GOPC: variants seen among roughly 807,000 people sequenced by gnomAD.
The protein encoded by GOPC is golgi associated PDZ and coiled-coil motif containing.
Under a neutral mutation model 51.2 loss-of-function variants are expected in GOPC, and 32 were observed. The ratio of observed to expected loss-of-function variants is 0.63; its 90% CI spans 0.47 to 0.84. GOPC has a LOEUF of 0.84. Among genes scored for constraint, GOPC ranks in the 40% least tolerant of loss-of-function variants. The pLI, the probability that GOPC is intolerant of heterozygous loss-of-function variation, is 0.00. For synonymous variants in GOPC, 190 were observed against 205.1 expected (o/e 0.93, Z 0.63); for missense variants, 441 against 555.5 (o/e 0.79, Z 2.07).
At chr6:117,586,934 A>C (rs898622049) in intron 1 of GOPC, among the ~76,000 whole-genome samples, 2 of 152,212 alleles carry the variant, frequency 1.3e-5, no homozygotes, top group African/African-American at 4.8e-5. Context: ...TCACTTTATT[A>C]TAAAAAATCT....
chr6:117,560,436 C>T lies in GOPC; in HGVS notation c.*2818G>A, dbSNP rs1562133547. 5.3e-6 allele frequency: 1 copy of T among 190,122 alleles called. No homozygotes were observed. Among genetic ancestry groups the T allele is most frequent in the Non-Finnish European group, 1.1e-5 (1 of 90,470 alleles). 11.8% of individuals were successfully genotyped at this position (190,122 alleles called of 1,614,324 possible). On this transcript the variant is annotated 3_prime_UTR_variant, in exon 9 of 9. Transcript: ENST00000368498. ...TTTGAGGCCAACCATAAGTGTAAGA[C>T]TGGATAGATGGAATAGGGATTACAT...
intron 8 of GOPC, among the ~76,000 whole-genome samples, chr6:117,564,326 C>T (rs1779650034): frequency 6.6e-6 from 1 of 152,076 alleles, no homozygotes; most frequent in South Asian, 2.1e-4. Flanking sequence ...GTCAATTCTA[C>T]TTATATAAAT....
In GOPC at chr6:117,560,291, GTTTA is replaced by G; in HGVS notation, c.*2959_*2962del. 5.7e-6 allele frequency: 1 copy of G among 175,336 alleles called. No individual in the cohort carries two copies. The highest frequency in any genetic ancestry group is 9.9e-5 in the East Asian group (1 of 10,080). 10.9% of individuals were successfully genotyped at this position (175,336 alleles called of 1,614,324 possible). A position where few individuals can be genotyped will look rare whatever the true frequency, so the allele number is the denominator to read the frequency against. ...ATATTTAACGTCAAGGAAACAAAAT[GTTTA>G]TTTAAAAAAATGAGATCAATATCAT... On this transcript the variant is annotated 3_prime_UTR_variant, in exon 9 of 9. Coordinates refer to ENST00000368498, the MANE Select transcript of GOPC (RefSeq NM_020399.4).
At chr6:117,600,191 A>T (rs1382481215) in intron 1 of GOPC, among the ~76,000 whole-genome samples, 1 of 152,230 alleles carries the variant, frequency 6.6e-6, no homozygotes, top group Non-Finnish European at 1.5e-5. Context: ...GTATGGAGGC[A>T]GCATAGGGTG....
chr6:117,591,775 C>T (rs971931891), intron 1 of GOPC, among the ~76,000 whole-genome samples: 7 of 151,974 alleles, frequency 4.6e-5, no homozygotes, highest in African/African-American at 1.5e-4. Context: ...CACTGATCAC[C>T]GGGCCAAAGA....
chr6:117,572,101 AGTCATAT>A (rs1779815361), intron 5 of GOPC, among the ~76,000 whole-genome samples: 1 of 152,180 alleles, frequency 6.6e-6, no homozygotes, highest in Admixed American at 6.6e-5. Flanking sequence ...TGAAATCCAG[AGTCATAT>A]GTCCAGTTGG....
At chr6:117,585,153 T>C (rs1780011792) in intron 1 of GOPC, among the ~76,000 whole-genome samples, 1 of 152,192 alleles carries the variant, frequency 6.6e-6, no homozygotes, top group Non-Finnish European at 1.5e-5. Flanking sequence ...CTTCACTCTC[T>C]GGAGGTCAGG....
At chr6:117,583,448 T>C (rs1217781576) in intron 1 of GOPC, among the ~76,000 whole-genome samples, 1 of 152,200 alleles carries the variant, frequency 6.6e-6, no homozygotes, top group East Asian at 1.9e-4. Context: ...AATAGTTTCC[T>C]CCCCAACACT....
At chr6:117,566,278 C>A (rs1202618301) in intron 8 of GOPC, among the ~76,000 whole-genome samples, 3 of 152,122 alleles carry the variant, frequency 2.0e-5, no homozygotes, top group African/African-American at 4.8e-5. Context: ...ATGAACTCTG[C>A]TAAAATATCT....
At chr6:117,566,215 T>A (rs771840214) in intron 8 of GOPC, among the ~76,000 whole-genome samples, 36 of 152,064 alleles carry the variant, frequency 2.4e-4, no homozygotes, top group Non-Finnish European at 1.3e-4. Flanking sequence ...AATATCAACA[T>A]AGCAAAAAAA....
rs573582445 is a variant in GOPC at position 117,568,445 on chromosome 6, A to T, written c.1077+1127T>A. ...TACCTCAGAATTTTAATATGTGCTT[A>T]GTTAGCATTTCCTTAAAACTTATGG... On this transcript the variant is annotated intron_variant, in intron 7 of 8. Coordinates refer to ENST00000368498, the MANE Select transcript of GOPC (RefSeq NM_020399.4). Among the ~76,000 whole-genome samples, 3 of 152,318 alleles carry T rather than the reference A, an allele frequency of 2.0e-5. No individual in the cohort carries two copies. In the South Asian group the frequency reaches 6.2e-4, roughly 32 times the overall value.
chr6:117,563,971 TTTTTTTTTTTTC>T (rs890889379), intron 8 of GOPC, among the ~76,000 whole-genome samples: 2 of 145,110 alleles, frequency 1.4e-5, no homozygotes, highest in African/African-American at 5.0e-5. Flanking sequence ...TTTCCTTTCC[TTTTTTTTTTTTC>T]TTTTTTTTTT....
intron 1 of GOPC, among the ~76,000 whole-genome samples, chr6:117,595,745 G>A (rs1780187934): frequency 6.6e-6 from 1 of 152,172 alleles, no homozygotes; most frequent in Admixed American, 6.5e-5. Context: ...TTATGGCTGA[G>A]TAATATTCCA....
intron 1 of GOPC, among the ~76,000 whole-genome samples, chr6:117,580,336 C>T (rs1327565242): frequency 6.6e-6 from 1 of 152,022 alleles, no homozygotes; most frequent in Non-Finnish European, 1.5e-5. Context: ...TCTCAAGTTC[C>T]CTCAGTTTAA....
chr6:117,596,060 A>T (rs1452799425), intron 1 of GOPC, among the ~76,000 whole-genome samples: 1 of 150,906 alleles, frequency 6.6e-6, no homozygotes. Flanking sequence ...GCCAACATCT[A>T]TTTTTTTTTA....
At chr6:117,593,815 T>A (rs892148633) in intron 1 of GOPC, among the ~76,000 whole-genome samples, 17 of 152,198 alleles carry the variant, frequency 1.1e-4, no homozygotes, top group African/African-American at 4.1e-4. Context: ...AGATTGTCAC[T>A]TGGATTTATC....
intron 3 of GOPC, 102 bp from the exon 4 acceptor site, chr6:117,575,454 T>A (rs1779866582): frequency 1.1e-6 from 1 of 871,234 alleles, no homozygotes; most frequent in African/African-American, 1.6e-5. Flanking sequence ...CAACAATGTA[T>A]CATCTCTATA....
intron 1 of GOPC, among the ~76,000 whole-genome samples, chr6:117,596,260 A>G (rs1331349500): frequency 2.0e-5 from 3 of 150,398 alleles, no homozygotes; most frequent in African/African-American, 7.3e-5. Context: ...TTTTTTCTTG[A>G]TTTGTTTTGA....
At chr6:117,584,918 T>C (rs1163023315) in intron 1 of GOPC, among the ~76,000 whole-genome samples, 1 of 152,050 alleles carries the variant, frequency 6.6e-6, no homozygotes, top group African/African-American at 2.4e-5. Flanking sequence ...GTGATCCATC[T>C]GCTCCTGCCT....
Sources: gnomAD v4.1 joint callset for allele counts (sites outside exome capture counted in the v4.1 genomes callset) on GRCh38, gnomAD v4.1.1 for gene constraint, MANE v1.5 for transcripts, NCBI Gene and HGNC (gene_info 2026-07-23, HGNC 2026-07-21) for gene names.